PTPRC: variants seen among roughly 807,000 people sequenced by gnomAD.
PTPRC encodes protein tyrosine phosphatase receptor type C.
PTPRC carries 44 observed loss-of-function variants against 155.9 expected under a neutral mutation model. The ratio of observed to expected loss-of-function variants is 0.28; its 90% CI spans 0.22 to 0.36. The LOEUF is 0.36. Among genes scored for constraint, PTPRC ranks in the 10% least tolerant of loss-of-function variants. The pLI is 1.00. For synonymous variants in PTPRC, 525 were observed against 533.1 expected (o/e 0.98, Z 0.21); for missense variants, 1,401 against 1,564.6 (o/e 0.90, Z 1.76).
At chr1:198,748,325 G>A in intron 27 of PTPRC, 126 bp downstream of exon 27, 2 of 1,286,004 alleles carry the variant, frequency 1.6e-6, no homozygotes, top group Non-Finnish European at 2.1e-6. Flanking sequence ...TTGTTAATAG[G>A]GAAGAAGTTA....
chr1:198,719,582 TG>T (rs1177667286), intron 14 of PTPRC, among the ~76,000 whole-genome samples: 1 of 150,920 alleles, frequency 6.6e-6, no homozygotes, highest in Non-Finnish European at 1.5e-5. Context: ...TTTTTTGTTT[TG>T]TTTTGTTTTG....
Position 198,712,877 on chromosome 1 carries a change from G to T in PTPRC, c.1172-76G>T, listed in dbSNP as rs528025487. On this transcript the variant is annotated intron_variant, in intron 11 of 32. Coordinates refer to ENST00000442510, the MANE Select transcript of PTPRC (RefSeq NM_002838.5). ...TTGTCAAAATATGGTTATCAATAAT[G>T]CATGCTTATAATATGAAGAATGCTT... 84 of 1,415,256 alleles carry T rather than the reference G, an allele frequency of 5.9e-5. 1 individual carries two copies. In the African/African-American group the frequency reaches 9.9e-4, roughly 17 times the overall value. The allele number at this position is 1,415,256 out of a possible 1,614,324, so 87.7% of individuals were successfully genotyped here.
chr1:198,696,615 T>G, intron 3 of PTPRC, 97 bp from the exon 4 acceptor site: 1 of 970,544 alleles, frequency 1.0e-6, no homozygotes, highest in Non-Finnish European at 1.7e-6. Context: ...ATACACACTA[T>G]AGTGGACTGG....
At chr1:198,728,510 C>T (rs1654246790) in intron 16 of PTPRC, 62 bp downstream of exon 16, 1 of 1,575,212 alleles carries the variant, frequency 6.3e-7, no homozygotes, top group African/African-American at 1.4e-5. Flanking sequence ...AACGCATATC[C>T]ATATGGCAGT....
rs752587494 is a variant in PTPRC at position 198,754,249 on chromosome 1, ATCTTT to A, written c.3510-14_3510-10del. On this transcript the variant is annotated splice_polypyrimidine_tract_variant and intron_variant, in intron 31 of 32. Coordinates refer to ENST00000442510, the MANE Select transcript of PTPRC (RefSeq NM_002838.5). The stretch of plus-strand genomic sequence containing the variant: ...TTGGTGAGAAGTAGGATTATTTTCT[ATCTTT>A]TCTTTCTTTTATAGGGATGGATCTC... The A allele has an allele frequency of 1.0e-5, 16 of 1,598,246 alleles. No individual in the cohort carries two copies. The highest frequency in any genetic ancestry group is 1.3e-5 in the Non-Finnish European group (15 of 1,166,876).
intron 8 of PTPRC, among the ~76,000 whole-genome samples, chr1:198,704,838 A>G (rs541366521): frequency 5.3e-5 from 8 of 152,298 alleles, no homozygotes; most frequent in African/African-American, 1.9e-4. Context: ...AAACTTGCAC[A>G]TATAACCCTG....
chr1:198,731,587 ACT>A, intron 17 of PTPRC, 28 bp from the exon 18 acceptor site: 1 of 1,493,828 alleles, frequency 6.7e-7, no homozygotes, highest in Non-Finnish European at 9.3e-7. Flanking sequence ...GACACATGTA[ACT>A]AGTATTGAAT....
intron 2 of PTPRC, among the ~76,000 whole-genome samples, chr1:198,683,057 T>A (rs1210639697): frequency 6.6e-6 from 1 of 152,192 alleles, no homozygotes; most frequent in Non-Finnish European, 1.5e-5. Context: ...GTCAGACAGA[T>A]CTGCATTTAA....
In PTPRC at chr1:198,708,390, T is replaced by C. The variant is rs1199391538; in HGVS notation, c.1033+129T>C. ...TCTTGTTCTCCCTCTGTTTGTCTTT[T>C]TTCTTTCTTGTCTTTTTCTTGGTCT... is the stretch of plus-strand genomic sequence containing the variant. On this transcript the variant is annotated intron_variant, in intron 10 of 32. Coordinates refer to ENST00000442510, the MANE Select transcript of PTPRC (RefSeq NM_002838.5). The C allele has an allele frequency of 5.5e-6, 5 of 901,492 alleles. No homozygotes were observed. In the African/African-American group the frequency reaches 8.4e-5, roughly 15 times the overall value. The allele number at this position is 901,492 out of a possible 1,614,324, so 55.8% of individuals were successfully genotyped here. A position where few individuals can be genotyped will look rare whatever the true frequency, so the allele number is the denominator to read the frequency against.
intron 14 of PTPRC, among the ~76,000 whole-genome samples, chr1:198,721,484 CA>C (rs1653884474): frequency 2.0e-5 from 3 of 152,016 alleles, no homozygotes; most frequent in Non-Finnish European, 4.4e-5. Context: ...GAAATGTAAT[CA>C]ATGATTCTTA....
At chr1:198,717,158 C>T (rs531895718) in intron 13 of PTPRC, among the ~76,000 whole-genome samples, 2 of 152,330 alleles carry the variant, frequency 1.3e-5, no homozygotes, top group African/African-American at 4.8e-5. Flanking sequence ...GTTGTCTTTA[C>T]TATCTGGAAA....
At chr1:198,747,604 G>T (rs1655191768) in intron 26 of PTPRC, among the ~76,000 whole-genome samples, 1 of 151,828 alleles carries the variant, frequency 6.6e-6, no homozygotes, top group Non-Finnish European at 1.5e-5. Flanking sequence ...AAAACTAAAA[G>T]GATTTGTGTA....
intron 27 of PTPRC, 88 bp downstream of exon 27, chr1:198,748,287 T>G: frequency 6.8e-7 from 1 of 1,480,002 alleles, no homozygotes; most frequent in African/African-American, 1.4e-5. Flanking sequence ...TCATATAAAT[T>G]ATCTTGAAGC....
chr1:198,747,139 A>G (rs1394427723), intron 26 of PTPRC, among the ~76,000 whole-genome samples: 1 of 151,788 alleles, frequency 6.6e-6, no homozygotes, highest in Admixed American at 6.6e-5. Context: ...TTTAAGGACT[A>G]GTGGAAAGAC....
intron 28 of PTPRC, 134 bp downstream of exon 28, chr1:198,749,683 G>A (rs1655294528): frequency 1.2e-6 from 1 of 819,180 alleles, no homozygotes; most frequent in Non-Finnish European, 1.9e-6. Flanking sequence ...TGACATGAGA[G>A]TTTCAATTTC....
At chr1:198,689,338 C>T (rs1481370905) in intron 2 of PTPRC, among the ~76,000 whole-genome samples, 1 of 152,138 alleles carries the variant, frequency 6.6e-6, no homozygotes, top group East Asian at 1.9e-4. Context: ...AAACAAATAG[C>T]TTCACATAGT....
At chr1:198,715,078 T>A (rs1172872446) in intron 12 of PTPRC, among the ~76,000 whole-genome samples, 1 of 152,168 alleles carries the variant, frequency 6.6e-6, no homozygotes, top group African/African-American at 2.4e-5. Context: ...ATGTGATAGA[T>A]GTTCAAGTTC....
intron 22 of PTPRC, 124 bp downstream of exon 22, chr1:198,734,549 G>C (rs777169245): frequency 2.6e-4 from 219 of 858,274 alleles, no homozygotes; most frequent in Non-Finnish European, 3.8e-4. Context: ...ATTTTAATCA[G>C]TGTTAACATT....
At chr1:198,654,679 G>C (rs558028315) in intron 2 of PTPRC, among the ~76,000 whole-genome samples, 1 of 151,568 alleles carries the variant, frequency 6.6e-6, no homozygotes, top group African/African-American at 2.4e-5. Flanking sequence ...TCCTTTATAA[G>C]AGAATAATAT....
Sources: gnomAD v4.1 joint callset for allele counts (sites outside exome capture counted in the v4.1 genomes callset) on GRCh38, gnomAD v4.1.1 for gene constraint, MANE v1.5 for transcripts, NCBI Gene and HGNC (gene_info 2026-07-23, HGNC 2026-07-21) for gene names.